PARM1: variants seen among roughly 807,000 people sequenced by gnomAD.
PARM1 encodes the protein prostate androgen-regulated mucin-like protein 1.
In PARM1, 14 loss-of-function variants were observed where a neutral mutation model predicts 24.6. The ratio of observed to expected loss-of-function variants is 0.57; its 90% CI spans 0.38 to 0.89. The LOEUF (loss-of-function observed/expected upper bound fraction) is 0.89, where lower values mean the gene tolerates loss of function less well. Ranked by LOEUF, PARM1 falls within the 40% of genes least tolerant of loss-of-function variation. The pLI is 0.00. For missense variants in PARM1, 362 were observed against 380.4 expected, an observed-to-expected ratio of 0.95 and a Z score of 0.40; for synonymous variants, 179 against 156.6, an observed-to-expected ratio of 1.14 and a Z score of -1.07.
chr4:74,945,690 T>C (rs930272308), intron 1 of PARM1, among the ~76,000 whole-genome samples: 1 of 152,218 alleles, frequency 6.6e-6, no homozygotes, highest in African/African-American at 2.4e-5. Flanking sequence ...CTTTGTCACA[T>C]ATGGGAGCAA....
intron 1 of PARM1, among the ~76,000 whole-genome samples, chr4:74,955,484 A>G (rs138389450): frequency 6.6e-6 from 1 of 152,192 alleles, no homozygotes; most frequent in Admixed American, 6.5e-5. Flanking sequence ...ACTTATTTGC[A>G]TTTTTTTCTT....
intron 1 of PARM1, among the ~76,000 whole-genome samples, chr4:74,993,039 C>G (rs1386458911): frequency 2.6e-5 from 4 of 152,100 alleles, no homozygotes; most frequent in Non-Finnish European, 2.9e-5. Flanking sequence ...ATCCTCTTCC[C>G]TTGTATGTAA....
chr4:74,972,255 T>C (rs1722052971), intron 1 of PARM1, among the ~76,000 whole-genome samples: 1 of 152,244 alleles, frequency 6.6e-6, no homozygotes, highest in African/African-American at 2.4e-5. Context: ...TGGTCTACTG[T>C]TGGGGAGCCC....
At chr4:74,967,140 T>G (rs1721922075) in intron 1 of PARM1, 2 of 152,220 alleles carry the variant, frequency 1.3e-5, no homozygotes, top group Admixed American at 6.5e-5. Flanking sequence ...GACTTTATTT[T>G]CCTCTGGGCC....
At chr4:74,939,360 A>G (rs2109979658) in intron 1 of PARM1, among the ~76,000 whole-genome samples, 1 of 152,306 alleles carries the variant, frequency 6.6e-6, no homozygotes, top group Non-Finnish European at 1.5e-5. Context: ...CTGATTATAT[A>G]TCCATTAACT....
chr4:75,018,748 G>A (rs148727632), intron 2 of PARM1, among the ~76,000 whole-genome samples: 2 of 152,350 alleles, frequency 1.3e-5, no homozygotes, highest in Non-Finnish European at 2.9e-5. Flanking sequence ...ACGTTCCAGT[G>A]GTGTGAGCTC....
chr4:75,013,607 TG>T (rs1722923072), intron 2 of PARM1, among the ~76,000 whole-genome samples: 1 of 152,260 alleles, frequency 6.6e-6, no homozygotes. Flanking sequence ...GAACAGTTCC[TG>T]GCAGGGAGTA....
intron 1 of PARM1, among the ~76,000 whole-genome samples, chr4:74,937,742 T>G (rs1721222790): frequency 6.6e-6 from 1 of 152,110 alleles, no homozygotes; most frequent in Non-Finnish European, 1.5e-5. Flanking sequence ...AAAAGCAGAG[T>G]TTATGTGTTT....
At chr4:75,042,291 C>T (rs930204439) in intron 3 of PARM1, among the ~76,000 whole-genome samples, 7 of 152,122 alleles carry the variant, frequency 4.6e-5, no homozygotes, top group African/African-American at 7.2e-5. Context: ...ACCATCTAAG[C>T]GGAGCCAAGA....
chr4:74,996,296 T>A (rs901274085), intron 1 of PARM1, among the ~76,000 whole-genome samples: 2 of 152,196 alleles, frequency 1.3e-5, no homozygotes. Context: ...GTGCATTATT[T>A]TATTCCCAAC....
chr4:74,975,300 G>T (rs919440162), intron 1 of PARM1, among the ~76,000 whole-genome samples: 1 of 152,184 alleles, frequency 6.6e-6, no homozygotes, highest in Non-Finnish European at 1.5e-5. Context: ...GTTAATGAGA[G>T]TTTTGCTTTT....
At chr4:74,990,109 C>G (rs1247300114) in intron 1 of PARM1, among the ~76,000 whole-genome samples, 2 of 152,104 alleles carry the variant, frequency 1.3e-5, no homozygotes, top group African/African-American at 4.8e-5. Context: ...ATAGATGATT[C>G]CTGAGCTTCA....
At chr4:74,957,891 G>T (rs1042954273) in intron 1 of PARM1, among the ~76,000 whole-genome samples, 3 of 152,154 alleles carry the variant, frequency 2.0e-5, no homozygotes, top group Admixed American at 2.0e-4. Context: ...ATTCCAAATG[G>T]CCTCTCATTG....
At chr4:74,984,670 T>A (rs1232068975) in intron 1 of PARM1, among the ~76,000 whole-genome samples, 2 of 152,130 alleles carry the variant, frequency 1.3e-5, no homozygotes, top group Non-Finnish European at 2.9e-5. Context: ...GAATAGCTAA[T>A]TTTTTTTGAA....
chr4:74,952,542 G>A (rs192987211), intron 1 of PARM1, among the ~76,000 whole-genome samples: 2 of 152,184 alleles, frequency 1.3e-5, no homozygotes, highest in Non-Finnish European at 2.9e-5. Context: ...GTATTGCCTA[G>A]GTTTTTATAG....
At chr4:74,939,294 C>T (rs186537857) in intron 1 of PARM1, among the ~76,000 whole-genome samples, 25 of 152,208 alleles carry the variant, frequency 1.6e-4, no homozygotes, top group African/African-American at 5.8e-4. Context: ...TCTGGGTTAG[C>T]AACTATAGGG....
chr4:74,983,193 T>C (rs896230169), intron 1 of PARM1, among the ~76,000 whole-genome samples: 1 of 152,196 alleles, frequency 6.6e-6, no homozygotes, highest in African/African-American at 2.4e-5. Flanking sequence ...ATGAGAGTCA[T>C]TGTATATCTC....
chr4:74,997,703 C>T lies in PARM1; in HGVS notation c.44-14722C>T, dbSNP rs191675945. ...GCTGGATATTCAGATTTGAGACTCA[C>T]CTTTAAAATAAAGCCATGCAGCAGA... is the stretch of plus-strand genomic sequence containing the variant. On this transcript the variant is annotated intron_variant, in intron 1 of 3. Transcript: ENST00000307428. 511 of 152,236 alleles carry T rather than the reference C, an allele frequency of 3.4e-3. 6 individuals are homozygous for T. Among genetic ancestry groups the T allele is most frequent in the African/African-American group, 0.011 (474 of 41,550 alleles). The allele number at this position is 152,236 out of a possible 1,614,324, so 9.4% of individuals were successfully genotyped here.
intron 1 of PARM1, among the ~76,000 whole-genome samples, chr4:74,948,584 A>G (rs894387191): frequency 1.3e-5 from 2 of 152,146 alleles, no homozygotes; most frequent in African/African-American, 4.8e-5. Flanking sequence ...CTGCAACACC[A>G]CTTGGATCAG....
Sources: gnomAD v4.1 joint callset for allele counts (sites outside exome capture counted in the v4.1 genomes callset) on GRCh38, gnomAD v4.1.1 for gene constraint, MANE v1.5 for transcripts, NCBI Gene and HGNC (gene_info 2026-07-23, HGNC 2026-07-21) for gene names.